The following PSG4 variants were observed in gnomAD, a reference collection of about 807,000 sequenced individuals.
PSG4 encodes pregnancy specific beta-1-glycoprotein 4, also known as pregnancy-specific beta-1-glycoprotein 4.
Under a neutral mutation model 44.3 loss-of-function variants are expected in PSG4, and 61 were observed. The ratio of observed to expected loss-of-function variants is 1.38; its 90% CI spans 1.12 to 1.70. The LOEUF (loss-of-function observed/expected upper bound fraction) is 1.70. PSG4 is among the 40% of genes most tolerant of loss of function. The probability of loss-of-function intolerance (pLI) is 0.00; values close to 1 mark genes in which losing one functional copy is unlikely to be tolerated. For missense variants in PSG4, 677 were observed against 511.7 expected (o/e 1.32, Z -3.12); for synonymous variants, 248 against 191.3 (o/e 1.30, Z -2.45).
In PSG4 at chr19:43,194,349, T is replaced by C. The variant is rs780713390; in HGVS notation, c.1234A>G (p.Lys412Glu). 45 of 1,612,220 alleles carry C rather than the reference T, an allele frequency of 2.8e-5. 1 individual carries two copies. Among genetic ancestry groups the C allele is most frequent in the Non-Finnish European group, 2.5e-5 (29 of 1,179,096 alleles). ...GKESSKSITV[K>E]VSDWILP ...GCTGGGATCCACTTACCAGAGACTT[T>C]GACTGTGATGGATTTGGAGCTTTCC... The change falls in exon 5 of 6, where the codon AAA (lysine) becomes GAA (glutamate). Residue 412 changes from lysine to glutamate, a missense_variant. Physicochemically the swap from Lys to Glu is moderately conservative, Grantham distance 56. Transcript: ENST00000405312.
rs1457173185 is a variant in PSG4 at position 43,192,923 on chromosome 19, G to A, written c.*449C>T. ...CTATTGGGAGCCCTGTATGCAAGATGGAGAGAGCCACATTTCCCCTGAGAT... is the reference window on the plus strand; with the variant it reads ...CTATTGGGAGCCCTGTATGCAAGATAGAGAGAGCCACATTTCCCCTGAGAT... On this transcript the variant is annotated 3_prime_UTR_variant, in exon 6 of 6. Coordinates refer to ENST00000405312, the MANE Select transcript of PSG4 (RefSeq NM_002780.5). The A allele has an allele frequency of 5.0e-6, 2 of 401,430 alleles. No individual in the cohort carries two copies. Among genetic ancestry groups the A allele is most frequent in the African/African-American group, 4.0e-5 (2 of 49,834 alleles). 24.9% of individuals were successfully genotyped at this position (401,430 alleles called of 1,614,324 possible).
chr19:43,194,300 A>G (rs752933644), intron 5 of PSG4, 40 bp downstream of exon 5: 22 of 1,611,638 alleles, frequency 1.4e-5, no homozygotes, highest in Non-Finnish European at 1.8e-5. Context: ...GATAGACTCC[A>G]CCTAAATCCC....
chr19:43,203,973 C>G lies in PSG4; in HGVS notation c.343G>C (p.Glu115Gln), dbSNP rs757868938. ...TGTAAGGTGTAGGATCCTGCATCCT[C>G]CTGCGTGACATTCTGGATCAGCAGG... ...ASLLIQNVTQ[E>Q]DAGSYTLHII... Residue 115 changes from glutamate (E) to glutamine (Q), a missense_variant, in exon 2 of 6, where the codon GAG (glutamate) becomes CAG (glutamine). Physicochemically the swap from Glu to Gln is conservative, Grantham distance 29. Coordinates refer to ENST00000405312, the MANE Select transcript of PSG4 (RefSeq NM_002780.5). 1.9e-6 allele frequency: 3 copies of G among 1,587,686 alleles called. No individual in the cohort carries two copies. Among genetic ancestry groups the G allele is most frequent in the African/African-American group, 1.4e-5 (1 of 69,712 alleles).
chr19:43,200,105 T>C (rs188504564), intron 2 of PSG4, among the ~76,000 whole-genome samples: 3 of 145,994 alleles, frequency 2.1e-5, no homozygotes, highest in Admixed American at 2.0e-4. Context: ...TGTGGAATGC[T>C]TTCTTCATTT....
rs1332007361 is a variant in PSG4 at position 43,194,551 on chromosome 19, G to A, written c.1032C>T (p.Tyr344=). ...ACAAGTAGAGGTTTTCTCCTGAACG[G>A]TAATAGGTGAATGAAGGGTAAATGC... The part of the protein sequence containing the change: ...LPSIYPSFTY[Y]RSGENLYLSC... The change falls in exon 5 of 6, where the codon TAC becomes TAT. Residue 344 remains tyrosine, a synonymous_variant. Coordinates refer to ENST00000405312, the MANE Select transcript of PSG4 (RefSeq NM_002780.5). 5 of 1,612,330 alleles carry A rather than the reference G, an allele frequency of 3.1e-6. No homozygotes were observed. Among genetic ancestry groups the A allele is most frequent in the Admixed American group, 1.7e-5 (1 of 59,858 alleles).
intron 2 of PSG4, among the ~76,000 whole-genome samples, chr19:43,200,443 T>C (rs1967455011): frequency 6.9e-6 from 1 of 145,306 alleles, no homozygotes; most frequent in African/African-American, 2.6e-5. Flanking sequence ...TTGTTCCACT[T>C]TTTTTTCCCC....
At chr19:43,193,712 C>T (rs57442356) in intron 5 of PSG4, 1 of 541,430 alleles carries the variant, frequency 1.8e-6, no homozygotes, top group Non-Finnish European at 3.3e-6. Flanking sequence ...CCAAGGCTGA[C>T]TTCAGACTTT....
rs747297293 is a variant in PSG4, at chr19:43,193,343, G to A, written c.*29C>T. 5.2e-6 allele frequency: 4 copies of A among 775,356 alleles called. No homozygotes were observed. The South Asian group carries it at 5.4e-5, about 10-fold the overall frequency. 48.0% of individuals were successfully genotyped at this position (775,356 alleles called of 1,614,324 possible). A position where few individuals can be genotyped will look rare whatever the true frequency, so the allele number is the denominator to read the frequency against. ...TCTTGCTCTTCGTGATTCCATGGGA[G>A]AAAATGGAATTGGAGGAACTAGTAG... On this transcript the variant is annotated 3_prime_UTR_variant, in exon 6 of 6. Coordinates refer to ENST00000405312, the MANE Select transcript of PSG4 (RefSeq NM_002780.5).
At position 43,204,060 on chromosome 19, in the gene PSG4, C is replaced by G. The variant is rs147299450; in HGVS notation, c.256G>C (p.Gly86Arg). Residue 86 changes from glycine to arginine, a missense_variant, in exon 2 of 6, where the codon GGT becomes CGT. Physicochemically the swap from Gly to Arg is moderately radical, Grantham distance 125. Coordinates refer to ENST00000405312, the MANE Select transcript of PSG4 (RefSeq NM_002780.5). Reference sequence around the variant, plus strand: ...GCAGGCCCATATATAATTCTTTGACCGTCTACTACATATGATGTAATGTAA... The same window carrying G: ...GCAGGCCCATATATAATTCTTTGACGGTCTACTACATATGATGTAATGTAA... ...YHYITSYVVD[G>R]QRIIYGPAYS... is the part of the protein sequence containing the mutation. 1.2e-4 allele frequency: 187 copies of G among 1,586,442 alleles called. 20 individuals carry two copies. The South Asian group carries it at 1.6e-3, about 14-fold the overall frequency.
At chr19:43,198,332 G>A in intron 2 of PSG4, 57 bp from the exon 3 acceptor site, 4 of 1,543,006 alleles carry the variant, frequency 2.6e-6, no homozygotes, top group Non-Finnish European at 3.5e-6. Context: ...TCTTCCAAAG[G>A]CATTTTTCAA....
chr19:43,202,292 G>C lies in PSG4; in HGVS notation c.430+1594C>G, dbSNP rs112748602. Among the ~76,000 whole-genome samples, 832 of 143,922 alleles carry C rather than the reference G, an allele frequency of 5.8e-3. 93 individuals carry two copies. Among genetic ancestry groups the C allele is most frequent in the African/African-American group, 0.022 (802 of 37,112 alleles). 94.4% of individuals were successfully genotyped at this position (143,922 alleles called of 152,430 possible). Reference sequence around the variant, plus strand: ...TGACTTCAGAGACCCCAGGGACCAGGTGCCCCAGTTCCACAGTCCAGGACC... The same window carrying C: ...TGACTTCAGAGACCCCAGGGACCAGCTGCCCCAGTTCCACAGTCCAGGACC... On this transcript the variant is annotated intron_variant, in intron 2 of 5. Transcript: ENST00000405312.
rs1967081225 is a variant in PSG4 at position 43,193,026 on chromosome 19, C to A, written c.*346G>T. On this transcript the variant is annotated 3_prime_UTR_variant, in exon 6 of 6. Coordinates refer to ENST00000405312, the MANE Select transcript of PSG4 (RefSeq NM_002780.5). ...CTCAGAAGCTACTACATGTGAAATT[C>A]TAATGACTGCATTATCCTGCCAAGT... 1.8e-6 allele frequency: 1 copy of A among 561,890 alleles called. No individual in the cohort carries two copies. The highest frequency in any genetic ancestry group is 1.9e-5 in the African/African-American group (1 of 52,890). The allele number at this position is 561,890 out of a possible 1,614,324, so 34.8% of individuals were successfully genotyped here.
At chr19:43,198,554 T>G in intron 2 of PSG4, 1 of 493,500 alleles carries the variant, frequency 2.0e-6, no homozygotes, top group Non-Finnish European at 3.1e-6. Context: ...ACAGACCCGA[T>G]GCCTCTCTGA....
intron 3 of PSG4, among the ~76,000 whole-genome samples, chr19:43,197,377 C>A (rs1967296435): frequency 6.9e-6 from 1 of 145,618 alleles, no homozygotes; most frequent in Admixed American, 6.8e-5. Flanking sequence ...GAGATTTGTT[C>A]CATCAGTGGC....
At chr19:43,194,869 G>A (rs1967166871) in intron 4 of PSG4, 126 bp downstream of exon 4, 8 of 1,528,344 alleles carry the variant, frequency 5.2e-6, no homozygotes, top group Non-Finnish European at 7.0e-6. Context: ...AGGGAGTCAT[G>A]GCCACCTCGG....
At position 43,194,871 on chromosome 19, in the gene PSG4, C is replaced by A; in HGVS notation, c.988+124G>T. On this transcript the variant is annotated intron_variant, in intron 4 of 5. Coordinates refer to ENST00000405312, the MANE Select transcript of PSG4 (RefSeq NM_002780.5). ...GTTTTCCCAGGGCAGGGAGTCATGG[C>A]CACCTCGGATGTCCAGAAGTAAAGG... is the stretch of plus-strand genomic sequence containing the variant. The A allele has an allele frequency of 5.9e-6, 9 of 1,529,626 alleles. 1 individual carries two copies. The highest frequency in any genetic ancestry group is 7.9e-6 in the Non-Finnish European group (9 of 1,141,236). 94.8% of individuals were successfully genotyped at this position (1,529,626 alleles called of 1,614,324 possible).
chr19:43,198,313 A>C, intron 2 of PSG4, 38 bp from the exon 3 acceptor site: 2 of 1,558,696 alleles, frequency 1.3e-6, no homozygotes, highest in African/African-American at 1.5e-5. Context: ...CCTGTGTGGC[A>C]TCTTTGATTC....
intron 2 of PSG4, among the ~76,000 whole-genome samples, chr19:43,201,352 T>G (rs1340496389): frequency 6.9e-6 from 1 of 145,888 alleles, no homozygotes; most frequent in Non-Finnish European, 1.5e-5. Flanking sequence ...GGGAACCGAA[T>G]TCTGCTAAAA....
At position 43,195,081 on chromosome 19, in the gene PSG4, G is replaced by C. The variant is rs201224923; in HGVS notation, c.902C>G (p.Thr301Arg). 1.2e-6 allele frequency: 2 copies of C among 1,611,112 alleles called. No homozygotes were observed. The highest frequency in any genetic ancestry group is 2.2e-5 in the East Asian group (1 of 44,880). ...ENRILILPNVTRNETGPYQCE... is the reference protein window; with the variant it reads ...ENRILILPNVRRNETGPYQCE... ...TTGATAAGGTCCTGTTTCATTTCTCGTGACATTGGGTAGAATGAGGATCCT... is the reference window on the plus strand; with the variant it reads ...TTGATAAGGTCCTGTTTCATTTCTCCTGACATTGGGTAGAATGAGGATCCT... The change falls in exon 4 of 6, where the codon ACG (threonine) becomes AGG (arginine). Residue 301 changes from threonine (T) to arginine (R), a missense_variant. Transcript: ENST00000405312.
Sources: gnomAD v4.1 joint callset for allele counts (sites outside exome capture counted in the v4.1 genomes callset) on GRCh38, gnomAD v4.1.1 for gene constraint, MANE v1.5 for transcripts, NCBI Gene and HGNC (gene_info 2026-07-23, HGNC 2026-07-21) for gene names.